Variants in PHF3 observed in about 807,000 individuals in gnomAD.
The protein encoded by PHF3 is PHD finger protein 3.
PHF3 carries 41 observed loss-of-function variants against 178.4 expected under a neutral mutation model. The ratio of observed to expected loss-of-function variants is 0.23; its 90% CI spans 0.18 to 0.30. The LOEUF (loss-of-function observed/expected upper bound fraction) is 0.30, where lower values mean the gene tolerates loss of function less well. Ranked by LOEUF, PHF3 falls within the 10% of genes least tolerant of loss-of-function variation. PHF3 has a pLI of 1.00. For synonymous variants in PHF3, 842 were observed against 800.5 expected (o/e 1.05, Z -0.88); for missense variants, 2,346 against 2,398.1 (o/e 0.98, Z 0.45).
intron 2 of PHF3, among the ~76,000 whole-genome samples, chr6:63,669,828 A>C (rs1329644470): frequency 6.6e-6 from 1 of 152,158 alleles, no homozygotes; most frequent in Non-Finnish European, 1.5e-5. Context: ...AGCAAGATAC[A>C]TTTTACTGCT....
chr6:63,641,127 G>A (rs1177943538), intron 1 of PHF3, among the ~76,000 whole-genome samples: 1 of 152,210 alleles, frequency 6.6e-6, no homozygotes, highest in African/African-American at 2.4e-5. Flanking sequence ...TGGTAAGCAT[G>A]CCTGATGAAA....
intron 4 of PHF3, among the ~76,000 whole-genome samples, chr6:63,687,133 A>T (rs762745375): frequency 6.6e-6 from 1 of 152,066 alleles, no homozygotes; most frequent in Non-Finnish European, 1.5e-5. Context: ...AAAACACCTT[A>T]CTCAGCCAGG....
At chr6:63,696,177 A>G (rs1045078442) in intron 6 of PHF3, among the ~76,000 whole-genome samples, 1 of 152,224 alleles carries the variant, frequency 6.6e-6, no homozygotes, top group Non-Finnish European at 1.5e-5. Flanking sequence ...AAAAAATCTG[A>G]AATTGAAAAT....
At chr6:63,659,475 A>G (rs567484661) in intron 2 of PHF3, among the ~76,000 whole-genome samples, 5 of 152,302 alleles carry the variant, frequency 3.3e-5, no homozygotes, top group African/African-American at 1.2e-4. Flanking sequence ...GATTTTATAT[A>G]TAAAGGAAGT....
At chr6:63,651,934 C>T (rs1231020840) in intron 2 of PHF3, among the ~76,000 whole-genome samples, 1 of 152,044 alleles carries the variant, frequency 6.6e-6, no homozygotes, top group Non-Finnish European at 1.5e-5. Context: ...ACCACATTTT[C>T]TTATTCATCC....
chr6:63,663,486 C>G (rs1451936663), intron 2 of PHF3, among the ~76,000 whole-genome samples: 4 of 152,162 alleles, frequency 2.6e-5, no homozygotes, highest in Non-Finnish European at 5.9e-5. Context: ...CCTTAGCCTC[C>G]CTGGCTGTCC....
chr6:63,647,941 T>G (rs975694033), intron 2 of PHF3, among the ~76,000 whole-genome samples: 2 of 152,176 alleles, frequency 1.3e-5, no homozygotes, highest in African/African-American at 2.4e-5. Flanking sequence ...CTGTACAGTT[T>G]GTTCAGCATA....
intron 11 of PHF3, 101 bp downstream of exon 11, chr6:63,703,772 T>C: frequency 1.7e-6 from 2 of 1,168,336 alleles, no homozygotes; most frequent in Admixed American, 5.1e-5. Context: ...TTTCCCAATA[T>C]TGGTGGTGAG....
At chr6:63,637,345 T>A (rs1000258555) in intron 1 of PHF3, among the ~76,000 whole-genome samples, 1 of 152,214 alleles carries the variant, frequency 6.6e-6, no homozygotes, top group African/African-American at 2.4e-5. Context: ...CCATTATTCA[T>A]TTTTCGATTC....
chr6:63,657,522 G>A (rs1765288683), intron 2 of PHF3, among the ~76,000 whole-genome samples: 1 of 152,116 alleles, frequency 6.6e-6, no homozygotes, highest in Non-Finnish European at 1.5e-5. Flanking sequence ...ATGTCATGAA[G>A]AAAATCATCA....
intron 4 of PHF3, among the ~76,000 whole-genome samples, chr6:63,688,113 G>A (rs1766798380): frequency 6.8e-6 from 1 of 147,472 alleles, no homozygotes; most frequent in Admixed American, 6.8e-5. Flanking sequence ...GTGAACCCGG[G>A]AGGCGGAGCT....
chr6:63,679,702 T>G, intron 2 of PHF3: 1 of 407,618 alleles, frequency 2.5e-6, no homozygotes, highest in South Asian at 1.9e-5. Flanking sequence ...CACCTATGTC[T>G]TTCACAAGGG....
At chr6:63,704,437 T>C (rs1767607488) in intron 11 of PHF3, among the ~76,000 whole-genome samples, 1 of 151,376 alleles carries the variant, frequency 6.6e-6, no homozygotes, top group Admixed American at 6.6e-5. Context: ...TGGAAACCAC[T>C]GATCTTTTCA....
At chr6:63,637,998 C>A (rs1188844701) in intron 1 of PHF3, among the ~76,000 whole-genome samples, 2 of 151,672 alleles carry the variant, frequency 1.3e-5, no homozygotes, top group Middle Eastern at 3.4e-3. Context: ...GGATAGACTT[C>A]AGATAACTTT....
intron 2 of PHF3, among the ~76,000 whole-genome samples, chr6:63,649,875 T>C (rs746689047): frequency 3.9e-5 from 6 of 152,232 alleles, no homozygotes; most frequent in Non-Finnish European, 7.3e-5. Flanking sequence ...AGATAGTGAA[T>C]ATACTGTTTA....
At chr6:63,679,129 G>C (rs993450804) in intron 2 of PHF3, 3 of 154,016 alleles carry the variant, frequency 1.9e-5, no homozygotes, top group African/African-American at 4.9e-5. Context: ...TTCTAGTAAG[G>C]ATTTGAATCC....
chr6:63,698,140 A>G, intron 6 of PHF3, 83 bp from the exon 7 acceptor site: 2 of 1,082,592 alleles, frequency 1.8e-6, no homozygotes, highest in East Asian at 5.0e-5. Flanking sequence ...ACTTTTAATC[A>G]GTTTTGTTTG....
intron 2 of PHF3, among the ~76,000 whole-genome samples, chr6:63,664,610 T>C (rs1765601851): frequency 6.6e-6 from 1 of 152,194 alleles, no homozygotes; most frequent in South Asian, 2.1e-4. Flanking sequence ...TGTTGAGCCA[T>C]AGATAAAATA....
At position 63,721,583 on chromosome 6, in the gene PHF3, G is replaced by T; in HGVS notation, c.*7875G>T. On this transcript the variant is annotated 3_prime_UTR_variant, in exon 16 of 16. Transcript: ENST00000262043. The stretch of plus-strand genomic sequence containing the variant: ...CTCCAATATAGAAGTCTGTATTTGT[G>T]TCCAGAGAACTCATTTTAGTGGAGG... The T allele has an allele frequency of 6.4e-7, 1 of 1,551,630 alleles. No individual in the cohort carries two copies. The highest frequency in any genetic ancestry group is 1.2e-5 in the South Asian group (1 of 84,056).
Sources: gnomAD v4.1 joint callset for allele counts (sites outside exome capture counted in the v4.1 genomes callset) on GRCh38, gnomAD v4.1.1 for gene constraint, MANE v1.5 for transcripts, NCBI Gene and HGNC (gene_info 2026-07-23, HGNC 2026-07-21) for gene names.